The following AGK variants were observed in gnomAD, a reference collection of about 807,000 sequenced individuals.
AGK encodes acylglycerol kinase.
A neutral mutation model predicts 66.4 loss-of-function variants in AGK; 52 were observed. That is an observed-to-expected ratio of 0.78 (90% CI 0.63 to 0.99). AGK has a LOEUF of 0.99. Ranked by LOEUF, AGK falls within the 50% of genes least tolerant of loss-of-function variation. The pLI, the probability that AGK is intolerant of heterozygous loss-of-function variation, is 0.00. For missense variants in AGK, 451 were observed against 506.6 expected, an observed-to-expected ratio of 0.89 and a Z score of 1.05; for synonymous variants, 182 against 181.1, an observed-to-expected ratio of 1.00 and a Z score of -0.04.
At chr7:141,628,131 C>T (rs976761412) in intron 9 of AGK, among the ~76,000 whole-genome samples, 4 of 152,230 alleles carry the variant, frequency 2.6e-5, no homozygotes, top group African/African-American at 4.8e-5. Context: ...ACACCCACCT[C>T]GGCCTCTCAA....
intron 8 of AGK, among the ~76,000 whole-genome samples, chr7:141,616,616 T>C (rs1033230819): frequency 6.6e-6 from 1 of 152,204 alleles, no homozygotes; most frequent in African/African-American, 2.4e-5. Flanking sequence ...TACACACATA[T>C]ATATATGTCA....
rs899737450 is a variant in AGK, at chr7:141,647,773, C to T, written c.976-1490C>T. 3.1e-4 allele frequency among the ~76,000 whole-genome samples: 47 copies of T among 152,118 alleles called. 1 individual carries two copies. The highest frequency in any genetic ancestry group is 5.9e-4 in the Non-Finnish European group (40 of 68,022). On this transcript the variant is annotated intron_variant, in intron 13 of 15. Coordinates refer to ENST00000649286, the MANE Select transcript of AGK (RefSeq NM_018238.4). ...GCAATCTCTGCCTCCTGGGTTCTAG[C>T]GATTCTCCCGCCTCAGCCTCCCGAG...
chr7:141,580,964 G>A (rs1301358681), intron 2 of AGK, among the ~76,000 whole-genome samples: 1 of 151,898 alleles, frequency 6.6e-6, no homozygotes, highest in Non-Finnish European at 1.5e-5. Context: ...TTTTATGAGT[G>A]TATATAATGG....
At position 141,609,622 on chromosome 7, in the gene AGK, G is replaced by T. The variant is rs1796537057; in HGVS notation, c.298-1573G>T. Among the ~76,000 whole-genome samples, 3 of 152,176 alleles carry T rather than the reference G, an allele frequency of 2.0e-5. No homozygotes were observed. The South Asian group carries it at 6.2e-4, about 32-fold the overall frequency. On this transcript the variant is annotated intron_variant, in intron 5 of 15. Transcript: ENST00000649286. ...TCCTCACACTCCATTGCTTAGGAAGGTTCCCTTAAGCAGGCATGATCAATT... is the reference window on the plus strand; with the variant it reads ...TCCTCACACTCCATTGCTTAGGAAGTTTCCCTTAAGCAGGCATGATCAATT...
At chr7:141,564,106 G>A (rs1302833598) in intron 2 of AGK, among the ~76,000 whole-genome samples, 1 of 152,190 alleles carries the variant, frequency 6.6e-6, no homozygotes, top group East Asian at 1.9e-4. Context: ...GACTATATGT[G>A]CATGACAGCA....
rs939524965 is a variant in AGK, at chr7:141,653,222, G to A, written c.*298G>A. The stretch of plus-strand genomic sequence containing the variant: ...ACTTTCTTCTGTTTTCTTCCAAAGT[G>A]CAACCACAGTGGAGAGCCCACGGTG... On this transcript the variant is annotated 3_prime_UTR_variant, in exon 16 of 16. Coordinates refer to ENST00000649286, the MANE Select transcript of AGK (RefSeq NM_018238.4). The A allele has an allele frequency of 4.4e-5, 14 of 319,034 alleles. No individual in the cohort carries two copies. Among genetic ancestry groups the A allele is most frequent in the African/African-American group, 1.5e-4 (7 of 47,666 alleles). 19.8% of individuals were successfully genotyped at this position (319,034 alleles called of 1,614,324 possible).
intron 5 of AGK, among the ~76,000 whole-genome samples, chr7:141,605,959 A>G (rs996918585): frequency 2.0e-5 from 3 of 152,224 alleles, no homozygotes; most frequent in Non-Finnish European, 2.9e-5. Context: ...CACATAGATC[A>G]GTGGTTTTCA....
rs758382821 is a variant in AGK at position 141,601,294 on chromosome 7, C to G, written c.297+14C>G. The G allele has an allele frequency of 1.3e-6, 2 of 1,599,012 alleles. No homozygotes were observed. Among genetic ancestry groups the G allele is most frequent in the Non-Finnish European group, 1.7e-6 (2 of 1,171,236 alleles). On this transcript the variant is annotated intron_variant, in intron 5 of 15. Transcript: ENST00000649286. ...ACTATTGTTAAGGTAAGAATGGCTCCTGAATGTTTATTTCACCCAAGCAGC... is the reference window on the plus strand; with the variant it reads ...ACTATTGTTAAGGTAAGAATGGCTCGTGAATGTTTATTTCACCCAAGCAGC...
At chr7:141,646,911 G>A (rs1014949377) in intron 13 of AGK, among the ~76,000 whole-genome samples, 6 of 152,170 alleles carry the variant, frequency 3.9e-5, no homozygotes, top group Non-Finnish European at 7.4e-5. Context: ...TGTTCTAGCT[G>A]AAGTGTGGCT....
intron 9 of AGK, among the ~76,000 whole-genome samples, chr7:141,633,301 G>A (rs1797097721): frequency 6.6e-6 from 1 of 152,054 alleles, no homozygotes; most frequent in Admixed American, 6.6e-5. Flanking sequence ...AGGGACATTG[G>A]CTGTATTGTG....
intron 2 of AGK, among the ~76,000 whole-genome samples, chr7:141,581,161 TTGACTGAAGTAATGGGGGC>T (rs1228655437): frequency 6.6e-6 from 1 of 151,908 alleles, no homozygotes; most frequent in Admixed American, 6.5e-5. Context: ...AAATTTGGGC[TTGACTGAAGTAATGGGGGC>T]TGTCTGTGAA....
chr7:141,586,504 C>T lies in AGK; in HGVS notation c.102-6642C>T, dbSNP rs747515742. Among the ~76,000 whole-genome samples the T allele has an allele frequency of 4.7e-4, 71 of 152,244 alleles. No individual in the cohort carries two copies. In the Middle Eastern group the frequency reaches 0.01, roughly 22 times the overall value. On this transcript the variant is annotated intron_variant, in intron 2 of 15. Transcript: ENST00000649286. ...GTATTTACCAAGTACCCTCTATCTA[C>T]GAGTGTGTGCTGTGGGCTGTGGATG...
intron 14 of AGK, among the ~76,000 whole-genome samples, chr7:141,650,076 CTT>C (rs1406460469): frequency 6.6e-6 from 1 of 152,228 alleles, no homozygotes; most frequent in Non-Finnish European, 1.5e-5. Flanking sequence ...CTTTTCTGTG[CTT>C]TGTCTCAGAG....
At chr7:141,581,524 A>C (rs553878321) in intron 2 of AGK, among the ~76,000 whole-genome samples, 1 of 151,972 alleles carries the variant, frequency 6.6e-6, no homozygotes, top group African/African-American at 2.4e-5. Flanking sequence ...GTAACAGGCA[A>C]GTAATAACAG....
chr7:141,608,804 C>CA (rs1223141477), intron 5 of AGK, among the ~76,000 whole-genome samples: 1 of 152,150 alleles, frequency 6.6e-6, no homozygotes, highest in African/African-American at 2.4e-5. Context: ...ACTTGCCAGG[C>CA]ATCTTGCTAA....
chr7:141,578,820 A>G lies in AGK; in HGVS notation c.102-14326A>G, dbSNP rs549117963. Among the ~76,000 whole-genome samples the G allele has an allele frequency of 5.9e-5, 9 of 152,108 alleles. No individual in the cohort carries two copies. The South Asian group carries it at 1.5e-3, about 25-fold the overall frequency. On this transcript the variant is annotated intron_variant, in intron 2 of 15. Transcript: ENST00000649286. ...AGCTATTAAAGGACTAAGAATTGGG[A>G]AAGTCCAGGACATCCAATTAGAGAG...
At chr7:141,581,207 G>T (rs1432340512) in intron 2 of AGK, among the ~76,000 whole-genome samples, 9 of 151,914 alleles carry the variant, frequency 5.9e-5, no homozygotes, top group Admixed American at 5.9e-4. Context: ...CGGCAGTACA[G>T]CCCAGGTAAT....
intron 2 of AGK, among the ~76,000 whole-genome samples, chr7:141,565,500 A>T (rs1052033955): frequency 1.3e-5 from 2 of 152,054 alleles, no homozygotes; most frequent in Non-Finnish European, 2.9e-5. Context: ...AAAATACAAA[A>T]GTTAGCTGGG....
chr7:141,645,373 T>G (rs1246257947), intron 13 of AGK, among the ~76,000 whole-genome samples: 1 of 152,204 alleles, frequency 6.6e-6, no homozygotes, highest in Non-Finnish European at 1.5e-5. Context: ...TTGATTTTTA[T>G]ATCAATGCTG....
Sources: allele counts gnomAD v4.1 joint callset (sites outside exome capture counted in the v4.1 genomes callset), GRCh38; gene constraint gnomAD v4.1.1; transcripts MANE v1.5; gene names NCBI Gene and HGNC (gene_info 2026-07-23, HGNC 2026-07-21).